STAU2: variants seen among roughly 807,000 people sequenced by gnomAD.
STAU2 encodes the protein staufen double-stranded RNA binding protein 2.
Under a neutral mutation model 65.9 loss-of-function variants are expected in STAU2, and 20 were observed. The observed-to-expected ratio is 0.30, with a 90% CI of 0.21 to 0.44. The LOEUF is 0.44. Ranked by LOEUF, STAU2 falls within the 20% of genes least tolerant of loss-of-function variation. The pLI is 1.00. For missense variants in STAU2, 558 were observed against 683.9 expected (o/e 0.82, Z 2.05); for synonymous variants, 232 against 233.9 (o/e 0.99, Z 0.07).
At position 73,421,312 on chromosome 8, in the gene STAU2, C is replaced by A; in HGVS notation, c.*60G>T. On this transcript the variant is annotated 3_prime_UTR_variant, in exon 15 of 15. Coordinates refer to ENST00000524300, the MANE Select transcript of STAU2 (RefSeq NM_001164380.2). ...TCATTCATTTCCCTGAACACAGACA[C>A]CCTCATGCGTGCTGACAGGTTTATA... 7.1e-7 allele frequency: 1 copy of A among 1,407,368 alleles called. No homozygotes were observed. Among genetic ancestry groups the A allele is most frequent in the African/African-American group, 1.4e-5 (1 of 70,582 alleles). The allele number at this position is 1,407,368 out of a possible 1,614,324, so 87.2% of individuals were successfully genotyped here.
At chr8:73,609,839 C>G (rs1471606243) in intron 9 of STAU2, among the ~76,000 whole-genome samples, 1 of 152,116 alleles carries the variant, frequency 6.6e-6, no homozygotes, top group East Asian at 1.9e-4. Flanking sequence ...GAATGTGTTT[C>G]CAGTGGCATA....
chr8:73,743,222 A>G (rs80064354), intron 1 of STAU2, among the ~76,000 whole-genome samples: 5,144 of 145,920 alleles, frequency 0.035, 258 homozygotes, highest in African/African-American at 0.12. Context: ...CACAGGCCAG[A>G]AAAAAAAAAA....
intron 5 of STAU2, among the ~76,000 whole-genome samples, chr8:73,687,870 T>C (rs935309994): frequency 2.0e-5 from 3 of 151,742 alleles, no homozygotes; most frequent in Admixed American, 2.0e-4. Context: ...CGCCACCATG[T>C]CCAGCTAATT....
intron 13 of STAU2, among the ~76,000 whole-genome samples, chr8:73,479,922 CT>C (rs1029920066): frequency 9.9e-5 from 15 of 152,034 alleles, no homozygotes; most frequent in African/African-American, 3.6e-4. Context: ...TTTCCTTCTA[CT>C]GCTCCCGTCT....
chr8:73,658,989 G>A (rs181859173), intron 6 of STAU2, among the ~76,000 whole-genome samples: 39 of 149,370 alleles, frequency 2.6e-4, no homozygotes, highest in Non-Finnish European at 4.3e-4. Context: ...TAAATCCAAC[G>A]GACACTAAAA....
Position 73,551,458 on chromosome 8 carries a change from T to G in STAU2, c.1530+554A>C, listed in dbSNP as rs144842169. The stretch of plus-strand genomic sequence containing the variant: ...CACATTGTTATGCCTCAAACAACTA[T>G]AAAGCATTTCATTATTCTTCAAATA... On this transcript the variant is annotated intron_variant, in intron 13 of 14. Transcript: ENST00000524300. The G allele has an allele frequency of 2.8e-4, 277 of 987,396 alleles. 5 individuals are homozygous for G. The East Asian group carries it at 0.023, about 81-fold the overall frequency. The allele number at this position is 987,396 out of a possible 1,614,324, so 61.2% of individuals were successfully genotyped here.
intron 9 of STAU2, among the ~76,000 whole-genome samples, chr8:73,613,432 ACAT>A (rs1353189124): frequency 6.6e-6 from 1 of 152,230 alleles, no homozygotes; most frequent in African/African-American, 2.4e-5. Context: ...ATGAGGGCTA[ACAT>A]CATCTACCTT....
At chr8:73,448,407 C>G (rs1006695751) in intron 13 of STAU2, among the ~76,000 whole-genome samples, 1 of 152,160 alleles carries the variant, frequency 6.6e-6, no homozygotes, top group Non-Finnish European at 1.5e-5. Context: ...CTCAGCCTCC[C>G]GAGTAGCTGG....
intron 13 of STAU2, among the ~76,000 whole-genome samples, chr8:73,531,987 TA>T (rs1463248351): frequency 6.6e-6 from 1 of 152,158 alleles, no homozygotes; most frequent in Non-Finnish European, 1.5e-5. Context: ...AATAAAATCC[TA>T]AGGCCCCTGC....
chr8:73,566,402 C>G (rs1459527437), intron 12 of STAU2, among the ~76,000 whole-genome samples: 1 of 152,020 alleles, frequency 6.6e-6, no homozygotes, highest in Non-Finnish European at 1.5e-5. Context: ...ATGATCCACC[C>G]AAATATCAAT....
chr8:73,523,765 G>C (rs1216734025), intron 13 of STAU2, among the ~76,000 whole-genome samples: 1 of 152,182 alleles, frequency 6.6e-6, no homozygotes, highest in African/African-American at 2.4e-5. Context: ...TGATGAACTG[G>C]AAAGTGGGAG....
chr8:73,645,610 G>C (rs559521152), intron 6 of STAU2, among the ~76,000 whole-genome samples: 1 of 152,270 alleles, frequency 6.6e-6, no homozygotes, highest in African/African-American at 2.4e-5. Flanking sequence ...AATGAAACAC[G>C]TATTAGTCCG....
At chr8:73,443,295 G>A (rs1023702220) in intron 13 of STAU2, among the ~76,000 whole-genome samples, 1 of 152,214 alleles carries the variant, frequency 6.6e-6, no homozygotes, top group African/African-American at 2.4e-5. Context: ...GGAAGTCGGA[G>A]GGAGAAGCGG....
At chr8:73,722,439 G>T (rs1027895005) in intron 3 of STAU2, among the ~76,000 whole-genome samples, 3 of 152,112 alleles carry the variant, frequency 2.0e-5, no homozygotes, top group African/African-American at 7.2e-5. Flanking sequence ...TCTTCCAGAG[G>T]GGAAATGTTA....
At chr8:73,432,294 T>C (rs930421246) in intron 13 of STAU2, among the ~76,000 whole-genome samples, 3 of 152,228 alleles carry the variant, frequency 2.0e-5, no homozygotes, top group African/African-American at 7.2e-5. Context: ...ATTAAATCCG[T>C]CTCCTTTCAC....
At chr8:73,611,663 T>G (rs988691636) in intron 9 of STAU2, among the ~76,000 whole-genome samples, 33 of 150,116 alleles carry the variant, frequency 2.2e-4, no homozygotes, top group African/African-American at 5.9e-4. Context: ...TTATGATGAT[T>G]ATTATTATGA....
chr8:73,729,359 T>C (rs186611603), intron 3 of STAU2, among the ~76,000 whole-genome samples: 34 of 152,372 alleles, frequency 2.2e-4, no homozygotes, highest in African/African-American at 7.5e-4. Context: ...AATATTGGTC[T>C]GTAATTTTCG....
intron 13 of STAU2, among the ~76,000 whole-genome samples, chr8:73,537,042 TAC>T (rs1331771168): frequency 6.6e-6 from 1 of 152,132 alleles, no homozygotes; most frequent in African/African-American, 2.4e-5. Flanking sequence ...AGCAATTACA[TAC>T]ACACTCTTGA....
chr8:73,481,508 CA>C (rs1346555942), intron 13 of STAU2, among the ~76,000 whole-genome samples: 4 of 77,852 alleles, frequency 5.1e-5, no homozygotes, highest in African/African-American at 1.9e-4. Flanking sequence ...GCCAAAAAAA[CA>C]AAAAAACAAA....
Sources: gnomAD v4.1 joint callset for allele counts (sites outside exome capture counted in the v4.1 genomes callset) on GRCh38, gnomAD v4.1.1 for gene constraint, MANE v1.5 for transcripts, NCBI Gene and HGNC (gene_info 2026-07-23, HGNC 2026-07-21) for gene names.